The following TRIM5 variants were observed in gnomAD, a reference collection of about 807,000 sequenced individuals.
TRIM5 encodes tripartite motif containing 5.
In TRIM5, 31 loss-of-function variants were observed where a neutral mutation model predicts 35.6. That is an observed-to-expected ratio of 0.87 (90% CI 0.65 to 1.18). The LOEUF is 1.18. Among genes scored for constraint, TRIM5 ranks in the 50% most tolerant of loss-of-function variants. The probability of loss-of-function intolerance (pLI) is 0.00; values close to 1 mark genes in which losing one functional copy is unlikely to be tolerated. For missense variants in TRIM5, 609 were observed against 591.6 expected (o/e 1.03, Z -0.31); for synonymous variants, 243 against 215.6 (o/e 1.13, Z -1.11).
chr11:5,639,188 T>G, the TRIM5 span, among the ~76,000 whole-genome samples: 1 of 152,182 alleles, frequency 6.6e-6, no homozygotes, highest in Non-Finnish European at 1.5e-5. Flanking sequence ...TGGTACTCAC[T>G]CAGGCACCAG....
chr11:5,640,156 G>A, the TRIM5 span, among the ~76,000 whole-genome samples: 6 of 152,160 alleles, frequency 3.9e-5, no homozygotes, highest in Non-Finnish European at 8.8e-5. Flanking sequence ...CCAATACCAT[G>A]TTAAATAGAA....
At chr11:5,647,832 T>G in the TRIM5 span, among the ~76,000 whole-genome samples, 2 of 151,954 alleles carry the variant, frequency 1.3e-5, no homozygotes, top group Non-Finnish European at 2.9e-5. Flanking sequence ...AGACACCTAT[T>G]AAATACAAAA....
the TRIM5 span, chr11:5,604,494 G>A: frequency 6.3e-7 from 1 of 1,590,278 alleles, no homozygotes; most frequent in Non-Finnish European, 8.5e-7. Context: ...TGAGTCAACT[G>A]AAGGCTTGAT....
chr11:5,597,537 G>T, the TRIM5 span, among the ~76,000 whole-genome samples: 1 of 151,882 alleles, frequency 6.6e-6, no homozygotes, highest in African/African-American at 2.4e-5. Context: ...CCTACACAAA[G>T]ATAAAAAAAA....
intron 5 of TRIM5, chr11:5,666,339 T>C (rs1851136101): frequency 1.9e-6 from 1 of 528,994 alleles, no homozygotes; most frequent in Admixed American, 3.0e-5. Context: ...AATGAAATAA[T>C]TAACCTCTCC....
the TRIM5 span, chr11:5,634,844 A>G: frequency 2.2e-5 from 35 of 1,612,700 alleles, no homozygotes; most frequent in Middle Eastern, 1.7e-4. Flanking sequence ...TCAGTGGTCA[A>G]CAATGGAGCT....
At chr11:5,598,298 C>G in the TRIM5 span, among the ~76,000 whole-genome samples, 1 of 152,218 alleles carries the variant, frequency 6.6e-6, no homozygotes, top group African/African-American at 2.4e-5. Flanking sequence ...TAACTGTATG[C>G]TCCCCTCCTT....
chr11:5,625,183 G>A, the TRIM5 span: 25 of 152,232 alleles, frequency 1.6e-4, no homozygotes, highest in African/African-American at 6.0e-4. Flanking sequence ...GCAAAGGCTA[G>A]CTTGCAGGCT....
the TRIM5 span, among the ~76,000 whole-genome samples, chr11:5,607,211 A>G: frequency 2.6e-5 from 4 of 152,208 alleles, no homozygotes; most frequent in African/African-American, 9.6e-5. Flanking sequence ...CTCAAAAAAA[A>G]AAAATATTTT....
the TRIM5 span, chr11:5,643,601 C>T: frequency 6.2e-7 from 1 of 1,613,870 alleles, no homozygotes; most frequent in Non-Finnish European, 8.5e-7. Flanking sequence ...CAAGCCATGG[C>T]TCCCTCATTT....
At chr11:5,597,059 GT>G in the TRIM5 span, 1 of 1,345,072 alleles carries the variant, frequency 7.4e-7, no homozygotes, top group South Asian at 1.4e-5. Context: ...CCCCACTGAG[GT>G]TAGAGACATT....
At chr11:5,656,188 A>G in the TRIM5 span, among the ~76,000 whole-genome samples, 1 of 152,224 alleles carries the variant, frequency 6.6e-6, no homozygotes, top group Non-Finnish European at 1.5e-5. Context: ...TCTGCACAGC[A>G]AAAGAAACTA....
the TRIM5 span, chr11:5,610,340 G>A: frequency 6.3e-7 from 1 of 1,586,220 alleles, no homozygotes; most frequent in Non-Finnish European, 8.6e-7. Flanking sequence ...TGAGCATAGT[G>A]GCAAAGAGGG....
chr11:5,632,736 A>G, the TRIM5 span: 1 of 1,606,138 alleles, frequency 6.2e-7, no homozygotes, highest in Non-Finnish European at 8.5e-7. Flanking sequence ...TCACGGAGGA[A>G]GTATTCAAGG....
the TRIM5 span, among the ~76,000 whole-genome samples, chr11:5,628,259 G>C: frequency 6.6e-6 from 1 of 152,146 alleles, no homozygotes. Flanking sequence ...GGAGCCCCCC[G>C]GTATTTCTAA....
At chr11:5,661,817 A>T (rs1322330696), downstream of TRIM5, among the ~76,000 whole-genome samples, 1 of 152,184 alleles carries the variant, frequency 6.6e-6, no homozygotes, top group Non-Finnish European at 1.5e-5. Flanking sequence ...GTTCATTACT[A>T]GGGCCAGGAG....
At chr11:5,617,342 G>T in the TRIM5 span, among the ~76,000 whole-genome samples, 2 of 144,370 alleles carry the variant, frequency 1.4e-5, no homozygotes, top group African/African-American at 2.5e-5. Context: ...TCACATTTTT[G>T]AACTGAAAGT....
At chr11:5,647,612 TC>T in the TRIM5 span, among the ~76,000 whole-genome samples, 2 of 152,100 alleles carry the variant, frequency 1.3e-5, no homozygotes, top group Non-Finnish European at 2.9e-5. Flanking sequence ...AACCTCCACC[TC>T]CCGGGTTCAA....
the TRIM5 span, chr11:5,605,662 G>T: frequency 7.0e-7 from 1 of 1,422,706 alleles, no homozygotes. Context: ...TCGTTGCAGG[G>T]ACAAGAGAAA....
Sources: gnomAD v4.1 joint callset for allele counts (sites outside exome capture counted in the v4.1 genomes callset) on GRCh38, gnomAD v4.1.1 for gene constraint, MANE v1.5 for transcripts, NCBI Gene and HGNC (gene_info 2026-07-23, HGNC 2026-07-21) for gene names.